Variants in LSM12 observed in about 807,000 individuals in gnomAD.
LSM12 encodes LSM12 homolog, also known as protein LSM12.
For missense variants in LSM12, 108 were observed against 238.9 expected (o/e 0.45, Z 3.61); for synonymous variants, 74 against 87.3 (o/e 0.85, Z 0.85).
chr17:44,063,242 CA>C (rs971829661), intron 2 of LSM12, among the ~76,000 whole-genome samples: 2 of 152,138 alleles, frequency 1.3e-5, no homozygotes, highest in Non-Finnish European at 2.9e-5. Flanking sequence ...CATACACACA[CA>C]AAAGTGACTT....
At chr17:44,045,396 T>G (rs2049549570) in intron 2 of LSM12, among the ~76,000 whole-genome samples, 1 of 152,226 alleles carries the variant, frequency 6.6e-6, no homozygotes, top group Non-Finnish European at 1.5e-5. Flanking sequence ...TGTGTTGACT[T>G]ACGTCTCTGG....
rs567600382 is a variant in LSM12, at chr17:44,066,291, G to A, written c.124+173C>T. The stretch of plus-strand genomic sequence containing the variant: ...GACAGGATCCCCAAAGCTGACCGAA[G>A]GGCCCGCGGGAGGGGGAGGGGAGCT... On this transcript the variant is annotated intron_variant, in intron 1 of 4. Coordinates refer to ENST00000293406, the MANE Select transcript of LSM12 (RefSeq NM_001371445.1). Among the ~76,000 whole-genome samples, 3 of 152,316 alleles carry A rather than the reference G, an allele frequency of 2.0e-5. No individual in the cohort carries two copies. The South Asian group carries it at 6.2e-4, about 32-fold the overall frequency.
At chr17:44,057,425 G>C (rs1450255883) in intron 2 of LSM12, among the ~76,000 whole-genome samples, 1 of 150,272 alleles carries the variant, frequency 6.7e-6, no homozygotes, top group Non-Finnish European at 1.5e-5. Flanking sequence ...TAGGACTACA[G>C]GCGTGAGCCA....
chr17:44,055,370 T>C (rs908357477), intron 2 of LSM12, among the ~76,000 whole-genome samples: 2 of 151,676 alleles, frequency 1.3e-5, no homozygotes, highest in African/African-American at 4.8e-5. Flanking sequence ...AGGGTCAAGA[T>C]ATGACAAAGG....
chr17:44,045,639 C>T (rs2049552907), intron 2 of LSM12, among the ~76,000 whole-genome samples: 1 of 152,172 alleles, frequency 6.6e-6, no homozygotes, highest in Admixed American at 6.5e-5. Context: ...GGCACAATCT[C>T]AGCCCACTGC....
chr17:44,058,236 C>CA lies in LSM12; in HGVS notation c.258+5564dup, dbSNP rs528444183. On this transcript the variant is annotated intron_variant, in intron 2 of 4. Transcript: ENST00000293406. The stretch of plus-strand genomic sequence containing the variant: ...TGGGCGACTGAGCAAGACTCCGTCT[C>CA]AAAAAAAAAATAATAAATAATAATA... Among the ~76,000 whole-genome samples, 877 of 144,732 alleles carry CA rather than the reference C, an allele frequency of 6.1e-3. 10 individuals are homozygous for CA. Among genetic ancestry groups the CA allele is most frequent in the African/African-American group, 0.02 (788 of 39,390 alleles). The allele number at this position is 144,732 out of a possible 152,430, so 94.9% of individuals were successfully genotyped here. A position where few individuals can be genotyped will look rare whatever the true frequency, so the allele number is the denominator to read the frequency against.
At chr17:44,045,866 C>G (rs1422305862) in intron 2 of LSM12, among the ~76,000 whole-genome samples, 1 of 152,094 alleles carries the variant, frequency 6.6e-6, no homozygotes, top group East Asian at 1.9e-4. Context: ...AGCCACCCTA[C>G]CCGGCTGTTT....
At chr17:44,040,298 C>T in intron 2 of LSM12, 42 bp from the exon 3 acceptor site, 5 of 1,476,806 alleles carry the variant, frequency 3.4e-6, no homozygotes, top group Non-Finnish European at 4.7e-6. Flanking sequence ...TAGGATTCAT[C>T]TTCATTCTTG....
intron 1 of LSM12, among the ~76,000 whole-genome samples, chr17:44,064,732 CAAAAA>C (rs879636307): frequency 3.1e-5 from 2 of 63,532 alleles, no homozygotes; most frequent in Admixed American, 3.7e-4. Flanking sequence ...GACTCCGTCT[CAAAAA>C]AAAAAAAAAA....
At chr17:44,065,877 A>G (rs2144120884) in intron 1 of LSM12, among the ~76,000 whole-genome samples, 1 of 151,816 alleles carries the variant, frequency 6.6e-6, no homozygotes, top group South Asian at 2.1e-4. Flanking sequence ...CCCACCACAC[A>G]TACACACGCA....
chr17:44,044,541 T>C (rs1185886504), intron 2 of LSM12, among the ~76,000 whole-genome samples: 1 of 152,198 alleles, frequency 6.6e-6, no homozygotes, highest in Non-Finnish European at 1.5e-5. Context: ...GCCCCCAATA[T>C]ACTCAACCTA....
At chr17:44,041,475 C>T (rs1178613338) in intron 2 of LSM12, among the ~76,000 whole-genome samples, 3 of 152,164 alleles carry the variant, frequency 2.0e-5, no homozygotes, top group Non-Finnish European at 4.4e-5. Flanking sequence ...TCTTACAGAA[C>T]ATTATCTGTG....
chr17:44,038,099 C>T (rs899909898), intron 3 of LSM12, among the ~76,000 whole-genome samples: 1 of 151,910 alleles, frequency 6.6e-6, no homozygotes, highest in Non-Finnish European at 1.5e-5. Flanking sequence ...CTGTAATCCC[C>T]GCGCTTTGGG....
intron 2 of LSM12, among the ~76,000 whole-genome samples, chr17:44,062,676 C>T (rs1175885995): frequency 6.6e-6 from 1 of 152,052 alleles, no homozygotes; most frequent in East Asian, 1.9e-4. Flanking sequence ...CACTTGAGGT[C>T]AGAAGTTCAA....
intron 1 of LSM12, 115 bp downstream of exon 1, chr17:44,066,349 G>A: frequency 7.4e-7 from 1 of 1,344,870 alleles, no homozygotes; most frequent in Non-Finnish European, 9.7e-7. Context: ...GGGCGCCGCG[G>A]TAGCCGGTCG....
intron 2 of LSM12, among the ~76,000 whole-genome samples, chr17:44,054,029 A>G (rs1406622749): frequency 6.6e-6 from 1 of 152,128 alleles, no homozygotes; most frequent in African/African-American, 2.4e-5. Flanking sequence ...CAACACACCT[A>G]TGGCACAACT....
chr17:44,049,145 T>C (rs1351044794), intron 2 of LSM12, among the ~76,000 whole-genome samples: 1 of 152,154 alleles, frequency 6.6e-6, no homozygotes, highest in Non-Finnish European at 1.5e-5. Context: ...GAGCTGAGCT[T>C]GTGCCACTGC....
rs1017900194 is a variant in LSM12, at chr17:44,036,438, A to G, written c.496-138T>C. On this transcript the variant is annotated intron_variant, in intron 4 of 4. Transcript: ENST00000293406. ...CCAGGCACCTTTGCCCTTGCTGTCT[A>G]TTGGCCTTCCCAACCACAAGGTAGG... is the stretch of plus-strand genomic sequence containing the variant. 28 of 1,155,268 alleles carry G rather than the reference A, an allele frequency of 2.4e-5. No homozygotes were observed. The East Asian group carries it at 6.7e-4, about 27-fold the overall frequency. The allele number at this position is 1,155,268 out of a possible 1,614,324, so 71.6% of individuals were successfully genotyped here.
At chr17:44,055,621 G>C (rs949231986) in intron 2 of LSM12, among the ~76,000 whole-genome samples, 2 of 149,196 alleles carry the variant, frequency 1.3e-5, no homozygotes, top group African/African-American at 4.9e-5. Context: ...AGGTTGCAGT[G>C]AGCAGAGATC....
Sources: gnomAD v4.1 joint callset for allele counts (sites outside exome capture counted in the v4.1 genomes callset) on GRCh38, gnomAD v4.1.1 for gene constraint, MANE v1.5 for transcripts, NCBI Gene and HGNC (gene_info 2026-07-23, HGNC 2026-07-21) for gene names.